The following ZNF667 variants were observed in gnomAD, a reference collection of about 807,000 sequenced individuals.
ZNF667 encodes the protein zinc finger protein 667.
In ZNF667, 13 loss-of-function variants were observed where a neutral mutation model predicts 31.8. That is an observed-to-expected ratio of 0.41 (90% CI 0.27 to 0.65). The LOEUF is 0.65. ZNF667 is among the 30% of genes least tolerant of loss of function. ZNF667 has a pLI of 0.32. For synonymous variants in ZNF667, 228 were observed against 247.1 expected (o/e 0.92, Z 0.73); for missense variants, 642 against 725.6 (o/e 0.88, Z 1.32).
At chr19:56,452,225 T>A (rs924692815) in intron 6 of ZNF667, among the ~76,000 whole-genome samples, 19 of 152,082 alleles carry the variant, frequency 1.2e-4, no homozygotes, top group African/African-American at 4.6e-4. Flanking sequence ...ATTTCTTGTA[T>A]TTTTAGTAGA....
chr19:56,462,092 T>C (rs895940901), intron 4 of ZNF667, among the ~76,000 whole-genome samples: 1 of 152,164 alleles, frequency 6.6e-6, no homozygotes, highest in Admixed American at 6.5e-5. Context: ...GCAAAGCCCC[T>C]GGGAATGCTA....
intron 3 of ZNF667, chr19:56,470,034 A>ATGCATTGAC (rs2043255415): frequency 4.4e-6 from 2 of 457,850 alleles, no homozygotes; most frequent in South Asian, 3.1e-5. Context: ...CCACCGGACA[A>ATGCATTGAC]TGCATTGACC....
Position 56,477,319 on chromosome 19 carries a change from G to A in ZNF667, c.-709C>T, listed in dbSNP as rs1192456161. On this transcript the variant is annotated 5_prime_UTR_variant, in exon 1 of 7. Coordinates refer to ENST00000504904, the MANE Select transcript of ZNF667 (RefSeq NM_001321356.2). The stretch of plus-strand genomic sequence containing the variant: ...CCCGGCGGCGACCACCGAGACAGCC[G>A]AGCAGGGACTCAGCGCCTGCGCACT... 6.6e-6 allele frequency: 1 copy of A among 152,122 alleles called. No individual in the cohort carries two copies. Among genetic ancestry groups the A allele is most frequent in the Non-Finnish European group, 1.5e-5 (1 of 68,002 alleles). The allele number at this position is 152,122 out of a possible 1,614,324, so 9.4% of individuals were successfully genotyped here. A position where few individuals can be genotyped will look rare whatever the true frequency, so the allele number is the denominator to read the frequency against.
intron 6 of ZNF667, among the ~76,000 whole-genome samples, chr19:56,445,723 AC>A (rs1252443705): frequency 9.3e-3 from 12 of 1,296 alleles, no homozygotes; most frequent in Admixed American, 0.015. Flanking sequence ...ATCACCTCCC[AC>A]CAGACCCCAC....
At chr19:56,475,822 C>T (rs2043393925) in intron 1 of ZNF667, 1 of 152,208 alleles carries the variant, frequency 6.6e-6, no homozygotes. Context: ...TTCCTGACCC[C>T]ACCTCCTCTA....
chr19:56,472,840 A>AG (rs1444694149), intron 2 of ZNF667: 5 of 152,152 alleles, frequency 3.3e-5, no homozygotes, highest in South Asian at 4.1e-4. Flanking sequence ...TCTACAGTAC[A>AG]GGGGGTTGGT....
In ZNF667 at chr19:56,440,618, T is replaced by C. The variant is rs974235227; in HGVS notation, c.*544A>G. 1.0e-6 allele frequency: 1 copy of C among 977,134 alleles called. No homozygotes were observed. Among genetic ancestry groups the C allele is most frequent in the African/African-American group, 1.8e-5 (1 of 56,374 alleles). 60.5% of individuals were successfully genotyped at this position (977,134 alleles called of 1,614,324 possible). Reference sequence around the variant, plus strand: ...GACCAATAAATTATCTTTAAAACTATGCTGGAAGTAAAATATCGGTAATTT... The same window carrying C: ...GACCAATAAATTATCTTTAAAACTACGCTGGAAGTAAAATATCGGTAATTT... On this transcript the variant is annotated 3_prime_UTR_variant, in exon 7 of 7. Transcript: ENST00000504904.
intron 1 of ZNF667, chr19:56,474,704 A>G (rs1016512450): frequency 6.6e-6 from 1 of 152,392 alleles, no homozygotes; most frequent in African/African-American, 2.4e-5. Flanking sequence ...TCAGAGCTGT[A>G]GCTCTTAACC....
chr19:56,460,034 CAG>C (rs1475805749), intron 5 of ZNF667, among the ~76,000 whole-genome samples: 4 of 151,934 alleles, frequency 2.6e-5, no homozygotes, highest in African/African-American at 9.7e-5. Context: ...GAGTTACCTA[CAG>C]AGTTTCCATA....
chr19:56,470,476 C>T (rs1016957488), intron 3 of ZNF667, among the ~76,000 whole-genome samples: 5 of 152,220 alleles, frequency 3.3e-5, no homozygotes, highest in Admixed American at 2.0e-4. Context: ...TCTTCCATCG[C>T]GGGGATGAGA....
In ZNF667 at chr19:56,458,245, G is replaced by C; in HGVS notation, c.163C>G (p.Leu55Val). The C allele has an allele frequency of 6.2e-7, 1 of 1,613,838 alleles. No individual in the cohort carries two copies. Among genetic ancestry groups the C allele is most frequent in the East Asian group, 2.2e-5 (1 of 44,880 alleles). Residue 55 changes from leucine (L) to valine (V), a missense_variant and splice_region_variant, in exon 6 of 7, where the codon CTT becomes GTT. Leu to Val is a conservative substitution (Grantham distance 32). Coordinates refer to ENST00000504904, the MANE Select transcript of ZNF667 (RefSeq NM_001321356.2). The stretch of plus-strand genomic sequence containing the variant: ...ATCACATTTGGTCTCCGAAAGGAAA[G>C]ACCTGTACGTGGGACAAACATGGGA... Reference protein sequence around the residue: ...ENYRNLVSLGLSFRRPNVITL... With the variant: ...ENYRNLVSLGVSFRRPNVITL...
intron 5 of ZNF667, 89 bp from the exon 6 acceptor site, chr19:56,458,336 T>G (rs1419034554): frequency 1.8e-6 from 2 of 1,109,682 alleles, no homozygotes; most frequent in Non-Finnish European, 2.7e-6. Flanking sequence ...AATGCAGGTT[T>G]AGTAGCATGA....
rs188259627 is a variant in ZNF667 at position 56,467,557 on chromosome 19, T to A, written c.-60+4142A>T. ...TGGGGACAGAATCAGATCCCAGAGC[T>A]TGAGGTCTCAGCCCCCAAGACTGCC... On this transcript the variant is annotated intron_variant, in intron 3 of 6. Coordinates refer to ENST00000504904, the MANE Select transcript of ZNF667 (RefSeq NM_001321356.2). 3.9e-5 allele frequency among the ~76,000 whole-genome samples: 6 copies of A among 152,174 alleles called. No homozygotes were observed. The East Asian group carries it at 1.2e-3, about 29-fold the overall frequency.
At chr19:56,477,446 C>T (rs1310206762), upstream of ZNF667, 2 of 152,218 alleles carry the variant, frequency 1.3e-5, no homozygotes, top group African/African-American at 2.4e-5. Flanking sequence ...GCGGCGTGCG[C>T]TCACCCGCCT....
In ZNF667 at chr19:56,462,383, C is replaced by G. The variant is rs772535492; in HGVS notation, c.-13G>C. The G allele has an allele frequency of 1.9e-6, 3 of 1,614,080 alleles. No homozygotes were observed. Among genetic ancestry groups the G allele is most frequent in the Non-Finnish European group, 1.7e-6 (2 of 1,180,040 alleles). On this transcript the variant is annotated 5_prime_UTR_variant, in exon 4 of 7. Transcript: ENST00000504904. Reference sequence around the variant, plus strand: ...GTGCAGAAGGCATCCTTTCCTCCCCCTTTAGGGTCCACACTGAGAGATGGG... The same window carrying G: ...GTGCAGAAGGCATCCTTTCCTCCCCGTTTAGGGTCCACACTGAGAGATGGG...
rs374451550 is a variant in ZNF667 at position 56,442,106 on chromosome 19, C to T, written c.889G>A (p.Val297Ile). 62 of 1,613,636 alleles carry T rather than the reference C, an allele frequency of 3.8e-5. No homozygotes were observed. The highest frequency in any genetic ancestry group is 1.3e-5 in the African/African-American group (1 of 74,884). ...CCAGCATGAATTCTTTTATGTACAA[C>T]AAAGACTGATTTCTTTTTGAAGCCT... The part of the protein sequence containing the change: ...GRGFKKKSVF[V>I]VHKRIHAGEK... Residue 297 changes from valine (V) to isoleucine (I), a missense_variant, in exon 7 of 7, where the codon GTT (valine) becomes ATT (isoleucine). Coordinates refer to ENST00000504904, the MANE Select transcript of ZNF667 (RefSeq NM_001321356.2).
intron 3 of ZNF667, among the ~76,000 whole-genome samples, chr19:56,463,461 G>C (rs2043094045): frequency 1.3e-5 from 2 of 152,130 alleles, no homozygotes; most frequent in African/African-American, 4.8e-5. Context: ...CAATGTGAAT[G>C]CCACTAGCCA....
In ZNF667 at chr19:56,446,971, T is replaced by G. The variant is rs2042722577; in HGVS notation, c.254-4230A>C. On this transcript the variant is annotated intron_variant, in intron 6 of 6. Coordinates refer to ENST00000504904, the MANE Select transcript of ZNF667 (RefSeq NM_001321356.2). Reference sequence around the variant, plus strand: ...CCTCAGCCCATCTCCCCATCTTCAATGTGGAAATCCTTAAACCACACCAGA... The same window carrying G: ...CCTCAGCCCATCTCCCCATCTTCAAGGTGGAAATCCTTAAACCACACCAGA... Among the ~76,000 whole-genome samples, 3 of 152,144 alleles carry G rather than the reference T, an allele frequency of 2.0e-5. No individual in the cohort carries two copies. The South Asian group carries it at 6.2e-4, about 32-fold the overall frequency.
At chr19:56,455,813 T>TA (rs1284853640) in intron 6 of ZNF667, among the ~76,000 whole-genome samples, 1 of 152,174 alleles carries the variant, frequency 6.6e-6, no homozygotes, top group East Asian at 1.9e-4. Flanking sequence ...AGGTGATAGA[T>TA]ACCTCACATA....
Sources: gnomAD v4.1 joint callset for allele counts (sites outside exome capture counted in the v4.1 genomes callset) on GRCh38, gnomAD v4.1.1 for gene constraint, MANE v1.5 for transcripts, NCBI Gene and HGNC (gene_info 2026-07-23, HGNC 2026-07-21) for gene names.